Variants in EIF2B3 observed in about 807,000 individuals in gnomAD.
EIF2B3 encodes the protein translation initiation factor eIF2B subunit gamma.
A neutral mutation model predicts 54.1 loss-of-function variants in EIF2B3; 20 were observed. The ratio of observed to expected loss-of-function variants is 0.37; its 90% CI spans 0.26 to 0.54. The LOEUF is 0.54. Ranked by LOEUF, EIF2B3 falls within the 20% of genes least tolerant of loss-of-function variation. EIF2B3 has a pLI of 0.86. For synonymous variants in EIF2B3, 153 were observed against 188.1 expected (o/e 0.81, Z 1.52); for missense variants, 448 against 547.8 (o/e 0.82, Z 1.82).
At chr1:44,959,356 A>G in intron 3 of EIF2B3, 1 of 574,620 alleles carries the variant, frequency 1.7e-6, no homozygotes, top group Non-Finnish European at 3.2e-6. Context: ...TTAGAGCAGC[A>G]GCAATTTCTA....
At chr1:44,983,536 C>T (rs1644536591) in intron 1 of EIF2B3, among the ~76,000 whole-genome samples, 1 of 152,086 alleles carries the variant, frequency 6.6e-6, no homozygotes, top group African/African-American at 2.4e-5. Flanking sequence ...ATAACATCCA[C>T]CACATCAAAT....
intron 10 of EIF2B3, chr1:44,874,414 C>A: frequency 4.2e-6 from 2 of 477,208 alleles, no homozygotes; most frequent in Non-Finnish European, 7.5e-6. Flanking sequence ...TCACTGTTAT[C>A]CCATGGATTC....
intron 5 of EIF2B3, 93 bp downstream of exon 5, chr1:44,926,535 T>G: frequency 1.0e-6 from 1 of 964,818 alleles, no homozygotes; most frequent in Non-Finnish European, 1.7e-6. Flanking sequence ...CACAGTATAG[T>G]CTAGTTTTCA....
chr1:44,900,240 A>G (rs917824701), intron 5 of EIF2B3, among the ~76,000 whole-genome samples: 1 of 152,134 alleles, frequency 6.6e-6, no homozygotes, highest in Admixed American at 6.6e-5. Flanking sequence ...TGAGGTTAGG[A>G]GTTTGAGAAC....
intron 3 of EIF2B3, among the ~76,000 whole-genome samples, chr1:44,941,897 C>T (rs1389318987): frequency 1.3e-5 from 2 of 152,048 alleles, no homozygotes; most frequent in Non-Finnish European, 2.9e-5. Flanking sequence ...GTGGGCAGTC[C>T]CTGAGACATC....
chr1:44,897,941 G>A (rs1302017246), intron 5 of EIF2B3, among the ~76,000 whole-genome samples: 1 of 151,782 alleles, frequency 6.6e-6, no homozygotes, highest in African/African-American at 2.4e-5. Flanking sequence ...TCACCATGTT[G>A]GCCAGGCTGG....
intron 10 of EIF2B3, among the ~76,000 whole-genome samples, chr1:44,864,302 T>G (rs1273445262): frequency 1.3e-5 from 2 of 151,948 alleles, no homozygotes; most frequent in African/African-American, 4.8e-5. Context: ...CGGTGGCTCA[T>G]GCCTGTAATC....
intron 11 of EIF2B3, among the ~76,000 whole-genome samples, chr1:44,851,954 T>C (rs1573673014): frequency 1.3e-5 from 1 of 75,734 alleles, no homozygotes; most frequent in African/African-American, 7.2e-5. Flanking sequence ...TTTTAATCCC[T>C]TTTTTTTTTT....
chr1:44,904,983 G>A (rs1484030602), intron 5 of EIF2B3, among the ~76,000 whole-genome samples: 1 of 152,182 alleles, frequency 6.6e-6, no homozygotes, highest in African/African-American at 2.4e-5. Context: ...AATGACCTAT[G>A]GCTACTACTT....
At chr1:44,947,467 G>A (rs1444877997) in intron 3 of EIF2B3, among the ~76,000 whole-genome samples, 2 of 152,128 alleles carry the variant, frequency 1.3e-5, no homozygotes, top group Non-Finnish European at 2.9e-5. Context: ...GGGAAAAAAG[G>A]TTAAATCAGA....
chr1:44,963,803 A>G (rs997528609), intron 3 of EIF2B3, among the ~76,000 whole-genome samples: 63 of 152,308 alleles, frequency 4.1e-4, no homozygotes, highest in African/African-American at 1.5e-3. Flanking sequence ...TTATTATCCA[A>G]TGATGCAGTA....
At chr1:44,864,520 C>T (rs534127363) in intron 10 of EIF2B3, among the ~76,000 whole-genome samples, 1 of 152,164 alleles carries the variant, frequency 6.6e-6, no homozygotes, top group Non-Finnish European at 1.5e-5. Context: ...CAAGATCATG[C>T]CACTGCACTC....
At chr1:44,966,793 C>T (rs1174239985) in intron 3 of EIF2B3, among the ~76,000 whole-genome samples, 1 of 152,106 alleles carries the variant, frequency 6.6e-6, no homozygotes, top group Non-Finnish European at 1.5e-5. Context: ...ATAAGAAAGA[C>T]ATGCCCACAA....
At chr1:44,885,700 C>G (rs1655555312) in intron 6 of EIF2B3, among the ~76,000 whole-genome samples, 1 of 151,066 alleles carries the variant, frequency 6.6e-6, no homozygotes, top group Non-Finnish European at 1.5e-5. Context: ...AATGATAGAT[C>G]AAAATACCTC....
At chr1:44,980,960 T>C (rs1489073163) in intron 2 of EIF2B3, 61 bp downstream of exon 2, 2 of 1,602,212 alleles carry the variant, frequency 1.2e-6, no homozygotes, top group African/African-American at 2.7e-5. Context: ...CGCTGACAAA[T>C]CATGGGGATC....
intron 1 of EIF2B3, among the ~76,000 whole-genome samples, chr1:44,981,942 C>CA (rs35864275): frequency 0.082 from 6,439 of 78,672 alleles, 839 homozygotes; most frequent in African/African-American, 0.25. Context: ...GATCCTGTCT[C>CA]AAAAAAAAAA....
Position 44,881,154 on chromosome 1 carries a change from C to T in EIF2B3, c.784+458G>A, listed in dbSNP as rs370728025. Among the ~76,000 whole-genome samples, 18 of 152,266 alleles carry T rather than the reference C, an allele frequency of 1.2e-4. No homozygotes were observed. In the East Asian group the frequency reaches 2.7e-3, roughly 23 times the overall value. On this transcript the variant is annotated intron_variant, in intron 7 of 11. Transcript: ENST00000360403. This position sits in a 1 kb window ranked among gnomAD's most constrained non-coding sequence, Gnocchi z 4.0. ...CGGGGATTAGGGATATGACAGCAAA[C>T]AAGACAGATCCGATCTTCAGATCCT...
chr1:44,958,919 G>A (rs1327527900), intron 3 of EIF2B3: 14 of 783,918 alleles, frequency 1.8e-5, no homozygotes, highest in Non-Finnish European at 2.7e-5. Flanking sequence ...TGAAACAGAC[G>A]GAGAAAATAT....
Position 44,977,468 on chromosome 1 carries a change from CT to C in EIF2B3, c.294+846del, listed in dbSNP as rs202094716. 2.0e-3 allele frequency among the ~76,000 whole-genome samples: 296 copies of C among 145,260 alleles called. 2 individuals are homozygous for C. Among genetic ancestry groups the C allele is most frequent in the Middle Eastern group, 3.6e-3 (1 of 280 alleles). ...CTTTTGAAGTACATTTAGAGTATAT[CT>C]TTTTTTTTTTTTTGAGATGGGATCT... On this transcript the variant is annotated intron_variant, in intron 3 of 11. Transcript: ENST00000360403.
Sources: gnomAD v4.1 joint callset for allele counts (sites outside exome capture counted in the v4.1 genomes callset) on GRCh38, gnomAD v4.1.1 for gene constraint, Gnocchi (gnomAD v3.1) non-coding constraint, MANE v1.5 for transcripts, NCBI Gene and HGNC (gene_info 2026-07-23, HGNC 2026-07-21) for gene names.